GPR160: variants seen among roughly 807,000 people sequenced by gnomAD.
GPR160 encodes the protein G protein-coupled receptor 160, also known as probable G protein-coupled receptor 160.
GPR160 carries 2 observed loss-of-function variants against 2.6 expected under a neutral mutation model. The ratio of observed to expected loss-of-function variants is 0.77; its 90% CI spans 0.32 to 2.44. The LOEUF is 2.44. Among genes scored for constraint, GPR160 ranks in the 30% most tolerant of loss-of-function variants. GPR160 has a pLI of 0.11. For synonymous variants in GPR160, 130 were observed against 132.2 expected (o/e 0.98, Z 0.12); for missense variants, 351 against 383.6 (o/e 0.91, Z 0.71).
In GPR160 at chr3:170,083,948, G is replaced by T. The variant is rs776960288; in HGVS notation, c.-25G>T. 4.1e-5 allele frequency: 55 copies of T among 1,351,544 alleles called. 1 individual carries two copies. The highest frequency in any genetic ancestry group is 5.0e-5 in the Non-Finnish European group (51 of 1,017,414). 83.7% of individuals were successfully genotyped at this position (1,351,544 alleles called of 1,614,324 possible). A position where few individuals can be genotyped will look rare whatever the true frequency, so the allele number is the denominator to read the frequency against. On this transcript the variant is annotated 5_prime_UTR_variant, in exon 4 of 4. Transcript: ENST00000355897. ...TGTTTTATCATGTGTATTTCAGCAGGTCTTCTTGAAATTTAACTAAAAATA... is the reference window on the plus strand; with the variant it reads ...TGTTTTATCATGTGTATTTCAGCAGTTCTTCTTGAAATTTAACTAAAAATA...
At chr3:170,076,352 CT>C (rs958495241) in intron 2 of GPR160, among the ~76,000 whole-genome samples, 1 of 151,314 alleles carries the variant, frequency 6.6e-6, no homozygotes, top group Non-Finnish European at 1.5e-5. Context: ...AGTTGAGTGA[CT>C]TTTTTTTTCC....
intron 2 of GPR160, among the ~76,000 whole-genome samples, chr3:170,053,952 G>T (rs960181106): frequency 2.0e-5 from 3 of 148,866 alleles, no homozygotes; most frequent in Admixed American, 1.3e-4. Context: ...TACCCATTTT[G>T]GTTTTTTGTT....
chr3:170,051,136 C>T (rs1020653229), intron 2 of GPR160, among the ~76,000 whole-genome samples: 2 of 152,146 alleles, frequency 1.3e-5, no homozygotes, highest in African/African-American at 4.8e-5. Flanking sequence ...GTTAGTCGTT[C>T]TTATTATAGA....
At position 170,084,895 on chromosome 3, in the gene GPR160, T is replaced by C; in HGVS notation, c.923T>C (p.Leu308Ser). 6.2e-7 allele frequency: 1 copy of C among 1,604,974 alleles called. No individual in the cohort carries two copies. Among genetic ancestry groups the C allele is most frequent in the Non-Finnish European group, 8.5e-7 (1 of 1,172,148 alleles). Residue 308 changes from leucine to serine, a missense_variant, in exon 4 of 4, where the codon TTG (leucine) becomes TCG (serine). By Grantham distance (145) the Leu-to-Ser change is moderately radical. Coordinates refer to ENST00000355897, the MANE Select transcript of GPR160 (RefSeq NM_014373.3). ...AATTTAAAAGACATTGGATTACCTTTGGATCCATTTGTCAACTGGAAGTGC... is the reference window on the plus strand; with the variant it reads ...AATTTAAAAGACATTGGATTACCTTCGGATCCATTTGTCAACTGGAAGTGC... ...KLNLKDIGLP[L>S]DPFVNWKCCF...
chr3:170,079,379 T>A (rs777451516), intron 2 of GPR160, among the ~76,000 whole-genome samples: 1 of 152,238 alleles, frequency 6.6e-6, no homozygotes, highest in South Asian at 2.1e-4. Context: ...ACTAAATTAT[T>A]GTTTGGTAAA....
chr3:170,065,318 CT>C (rs1404376730), intron 2 of GPR160, among the ~76,000 whole-genome samples: 1 of 151,970 alleles, frequency 6.6e-6, no homozygotes, highest in East Asian at 1.9e-4. Flanking sequence ...TTGTGTAAAT[CT>C]TTTGGTATGT....
intron 2 of GPR160, among the ~76,000 whole-genome samples, chr3:170,072,992 G>A (rs1278654724): frequency 6.6e-6 from 1 of 152,100 alleles, no homozygotes; most frequent in African/African-American, 2.4e-5. Flanking sequence ...GACCAACCTG[G>A]ACAACGAAAC....
In GPR160 at chr3:170,085,013, T is replaced by C. The variant is rs1180943897; in HGVS notation, c.*24T>C. On this transcript the variant is annotated 3_prime_UTR_variant, in exon 4 of 4. Transcript: ENST00000355897. ...AATATTATTAATTAAAAGTTACAGCTGTCATAAGATCATAATTTTATGAAC... is the reference window on the plus strand; with the variant it reads ...AATATTATTAATTAAAAGTTACAGCCGTCATAAGATCATAATTTTATGAAC... 2 of 1,200,632 alleles carry C rather than the reference T, an allele frequency of 1.7e-6. No homozygotes were observed. The highest frequency in any genetic ancestry group is 2.5e-5 in the East Asian group (1 of 39,804). The allele number at this position is 1,200,632 out of a possible 1,614,324, so 74.4% of individuals were successfully genotyped here. A position where few individuals can be genotyped will look rare whatever the true frequency, so the allele number is the denominator to read the frequency against.
chr3:170,051,247 TTA>T (rs1716944600), intron 2 of GPR160, among the ~76,000 whole-genome samples: 3 of 152,188 alleles, frequency 2.0e-5, no homozygotes, highest in South Asian at 4.1e-4. Flanking sequence ...TATTAGTTAC[TTA>T]TATGTCTTCT....
intron 2 of GPR160, among the ~76,000 whole-genome samples, chr3:170,073,448 T>A (rs1712698106): frequency 6.6e-6 from 1 of 152,210 alleles, no homozygotes; most frequent in Middle Eastern, 3.2e-3. Context: ...AGAGACTTCT[T>A]ATCTAGTTAG....
chr3:170,072,777 G>A (rs910374772), intron 2 of GPR160, among the ~76,000 whole-genome samples: 1 of 152,264 alleles, frequency 6.6e-6, no homozygotes, highest in Middle Eastern at 3.4e-3. Flanking sequence ...CCACCCCCAT[G>A]ACCCAAACAC....
At chr3:170,056,914 A>G (rs1711670919) in intron 2 of GPR160, among the ~76,000 whole-genome samples, 1 of 152,224 alleles carries the variant, frequency 6.6e-6, no homozygotes, top group African/African-American at 2.4e-5. Flanking sequence ...TCAGTGCTCT[A>G]GTTAATACTT....
At chr3:170,083,296 C>T (rs1403168123) in intron 3 of GPR160, 1 of 152,194 alleles carries the variant, frequency 6.6e-6, no homozygotes, top group Non-Finnish European at 1.5e-5. Context: ...CATGCCATAC[C>T]TGAAAGATCA....
chr3:170,052,325 C>T (rs940997230), intron 2 of GPR160, among the ~76,000 whole-genome samples: 1 of 152,210 alleles, frequency 6.6e-6, no homozygotes, highest in Non-Finnish European at 1.5e-5. Flanking sequence ...CAAGGGGATA[C>T]ACCATTTTAC....
intron 2 of GPR160, among the ~76,000 whole-genome samples, chr3:170,039,477 G>A (rs918098450): frequency 6.6e-6 from 1 of 152,224 alleles, no homozygotes; most frequent in African/African-American, 2.4e-5. Context: ...GGGAGGCCGA[G>A]GTGGGTGGAT....
chr3:170,080,432 AT>A (rs1386459588), intron 3 of GPR160, among the ~76,000 whole-genome samples: 2 of 151,614 alleles, frequency 1.3e-5, no homozygotes, highest in African/African-American at 4.9e-5. Context: ...CCCCGCTCTT[AT>A]TTTTCTTCTA....
At chr3:170,075,566 G>A (rs2108343726) in intron 2 of GPR160, among the ~76,000 whole-genome samples, 2 of 152,290 alleles carry the variant, frequency 1.3e-5, no homozygotes, top group Middle Eastern at 6.8e-3. Flanking sequence ...GACCCAGGTT[G>A]ACAGAGGCTC....
At chr3:170,065,032 G>A (rs180844903) in intron 2 of GPR160, among the ~76,000 whole-genome samples, 52 of 152,308 alleles carry the variant, frequency 3.4e-4, no homozygotes, top group African/African-American at 1.2e-3. Flanking sequence ...GGATCTGACG[G>A]GAGTGTAGAT....
In GPR160 at chr3:170,084,147, T is replaced by C. The variant is rs1225027388; in HGVS notation, c.175T>C (p.Cys59Arg). 1.0e-5 allele frequency: 16 copies of C among 1,592,028 alleles called. No homozygotes were observed. The highest frequency in any genetic ancestry group is 1.4e-5 in the Non-Finnish European group (16 of 1,169,390). Reference protein sequence around the residue: ...NTCQNFMEYFCISLAFVDLLL... With the variant: ...NTCQNFMEYFRISLAFVDLLL... ...CTGTCAAAATTTTATGGAATATTTT[T>C]GCATTTCACTAGCATTCGTTGATCT... The change falls in exon 4 of 4, where the codon TGC becomes CGC. Residue 59 changes from cysteine (C) to arginine (R), a missense_variant. Transcript: ENST00000355897.
Sources: gnomAD v4.1 joint callset for allele counts (sites outside exome capture counted in the v4.1 genomes callset) on GRCh38, gnomAD v4.1.1 for gene constraint, MANE v1.5 for transcripts, NCBI Gene and HGNC (gene_info 2026-07-23, HGNC 2026-07-21) for gene names.